The following FCRL3 variants were observed in gnomAD, a reference collection of about 807,000 sequenced individuals.
FCRL3 encodes Fc receptor like 3, also known as Fc receptor-like protein 3.
FCRL3 carries 89 observed loss-of-function variants against 75.0 expected under a neutral mutation model. The ratio of observed to expected loss-of-function variants is 1.19; its 90% CI spans 1.00 to 1.42. The LOEUF (loss-of-function observed/expected upper bound fraction) is 1.42. Ranked by LOEUF, FCRL3 falls within the 40% of genes most tolerant of loss-of-function variation. FCRL3 has a pLI of 0.00. For missense variants in FCRL3, 946 were observed against 880.0 expected (o/e 1.07, Z -0.95); for synonymous variants, 376 against 348.5 (o/e 1.08, Z -0.88).
rs1654641003 is a variant in FCRL3, at chr1:157,678,977, T to A, written c.2027-4A>T. 1 of 1,614,032 alleles carries A rather than the reference T, an allele frequency of 6.2e-7. No individual in the cohort carries two copies. Among genetic ancestry groups the A allele is most frequent in the Non-Finnish European group, 8.5e-7 (1 of 1,180,016 alleles). Reference sequence around the variant, plus strand: ...TGATGCATCATTGGACAATTAGCTGTTGGGTAGGAGTAGCAAAGAAAAGTA... The same window carrying A: ...TGATGCATCATTGGACAATTAGCTGATGGGTAGGAGTAGCAAAGAAAAGTA... On this transcript the variant is annotated splice_polypyrimidine_tract_variant and splice_region_variant and intron_variant, in intron 13 of 14. Transcript: ENST00000368184.
chr1:157,694,547 C>A (rs990530018), intron 8 of FCRL3, among the ~76,000 whole-genome samples: 1 of 152,146 alleles, frequency 6.6e-6, no homozygotes, highest in African/African-American at 2.4e-5. Flanking sequence ...ATTTTGCCAT[C>A]TTCTCCTAGG....
rs776727971 is a variant in FCRL3 at position 157,700,433 on chromosome 1, G to A, written c.31+26C>T. ...GGTCACCTTTAGGAACTGAGGCCGTGGCCCCATTATAGCCCATCTACTCAC... is the reference window on the plus strand; with the variant it reads ...GGTCACCTTTAGGAACTGAGGCCGTAGCCCCATTATAGCCCATCTACTCAC... On this transcript the variant is annotated intron_variant, in intron 2 of 14. Transcript: ENST00000368184. The A allele has an allele frequency of 2.5e-6, 4 of 1,613,846 alleles. No homozygotes were observed. The Admixed American group carries it at 5.0e-5, about 20-fold the overall frequency.
At position 157,698,641 on chromosome 1, in the gene FCRL3, A is replaced by G. The variant is rs976114424; in HGVS notation, c.53-12T>C. On this transcript the variant is annotated splice_polypyrimidine_tract_variant and intron_variant, in intron 3 of 14. Coordinates refer to ENST00000368184, the MANE Select transcript of FCRL3 (RefSeq NM_052939.4). ...TTTTGGGGCCACCCCTAAACAGGAA[A>G]TAGAAAGATGAAGGCAGGGGAAGGT... 2 of 1,613,572 alleles carry G rather than the reference A, an allele frequency of 1.2e-6. No homozygotes were observed. Among genetic ancestry groups the G allele is most frequent in the Non-Finnish European group, 1.7e-6 (2 of 1,179,544 alleles).
At chr1:157,697,462 G>A (rs1656008468) in intron 5 of FCRL3, 38 bp from the exon 6 acceptor site, 1 of 1,522,664 alleles carries the variant, frequency 6.6e-7, no homozygotes, top group Admixed American at 2.2e-5. Flanking sequence ...AGGGTGGTGA[G>A]GCTCAGAGTT....
At chr1:157,689,185 A>G (rs903841319) in intron 10 of FCRL3, among the ~76,000 whole-genome samples, 1 of 152,194 alleles carries the variant, frequency 6.6e-6, no homozygotes, top group Non-Finnish European at 1.5e-5. Context: ...ACAAGAAGTA[A>G]AAGAAATTAA....
intron 13 of FCRL3, 45 bp from the exon 14 acceptor site, chr1:157,679,018 T>C (rs1654645721): frequency 6.2e-7 from 1 of 1,606,522 alleles, no homozygotes; most frequent in South Asian, 1.1e-5. Flanking sequence ...CTGTGGGCAA[T>C]ATATTCCAAC....
intron 11 of FCRL3, 134 bp from the exon 12 acceptor site, chr1:157,681,233 C>T (rs193179603): frequency 3.7e-4 from 170 of 459,160 alleles, no homozygotes; most frequent in African/African-American, 3.2e-3. Context: ...CTGCTTGGGT[C>T]TTTTTTTTTA....
In FCRL3 at chr1:157,677,277, T is replaced by C. The variant is rs1276768192; in HGVS notation, c.*1433A>G. The C allele has an allele frequency of 2.0e-6, 2 of 991,212 alleles. No individual in the cohort carries two copies. Among genetic ancestry groups the C allele is most frequent in the Non-Finnish European group, 1.2e-6 (1 of 833,184 alleles). The allele number at this position is 991,212 out of a possible 1,614,324, so 61.4% of individuals were successfully genotyped here. A position where few individuals can be genotyped will look rare whatever the true frequency, so the allele number is the denominator to read the frequency against. ...AGGGTAGCAGAGTTTATGGTGACCC[T>C]GTAGTGTATCTCCAGAAATGGTGAT... is the stretch of plus-strand genomic sequence containing the variant. On this transcript the variant is annotated 3_prime_UTR_variant, in exon 15 of 15. Transcript: ENST00000368184.
At chr1:157,697,554 G>C in intron 5 of FCRL3, 105 bp downstream of exon 5, 1 of 1,473,400 alleles carries the variant, frequency 6.8e-7, no homozygotes, top group Non-Finnish European at 9.1e-7. Flanking sequence ...CCCTCCCATG[G>C]CTGAGCCATA....
Position 157,690,252 on chromosome 1 carries a change from C to T in FCRL3, c.1690+3G>A, listed in dbSNP as rs1655429581. 6 of 1,613,964 alleles carry T rather than the reference C, an allele frequency of 3.7e-6. No homozygotes were observed. The highest frequency in any genetic ancestry group is 5.1e-6 in the Non-Finnish European group (6 of 1,179,826). On this transcript the variant is annotated splice_donor_region_variant and intron_variant, in intron 9 of 14. Coordinates refer to ENST00000368184, the MANE Select transcript of FCRL3 (RefSeq NM_052939.4). ...ACCTCTAGCCCAGGTACTATTAACACACCTGTAACATTGAGTGTCACCACT... is the reference window on the plus strand; with the variant it reads ...ACCTCTAGCCCAGGTACTATTAACATACCTGTAACATTGAGTGTCACCACT...
chr1:157,692,840 T>A (rs115241510), intron 8 of FCRL3, among the ~76,000 whole-genome samples: 1,956 of 152,300 alleles, frequency 0.013, 38 homozygotes, highest in African/African-American at 0.045. Flanking sequence ...TGGAAAATAG[T>A]TGTTTAAAAA....
intron 8 of FCRL3, among the ~76,000 whole-genome samples, chr1:157,692,476 C>T (rs1329670518): frequency 1.3e-5 from 2 of 152,108 alleles, no homozygotes; most frequent in African/African-American, 4.8e-5. Flanking sequence ...TGGGCTCAAG[C>T]AATCCTTCCT....
chr1:157,682,107 A>G (rs1654891029), intron 11 of FCRL3, among the ~76,000 whole-genome samples: 1 of 151,736 alleles, frequency 6.6e-6, no homozygotes, highest in Admixed American at 6.6e-5. Flanking sequence ...TTTTTCTTGT[A>G]AATTTGTTTG....
chr1:157,689,120 C>T (rs1471554245), intron 10 of FCRL3, among the ~76,000 whole-genome samples: 1 of 152,142 alleles, frequency 6.6e-6, no homozygotes, highest in Non-Finnish European at 1.5e-5. Flanking sequence ...TATTTTCTCT[C>T]ACCACTTGCA....
Position 157,698,542 on chromosome 1 carries a change from A to G in FCRL3, c.140T>C (p.Ile47Thr), listed in dbSNP as rs771551828. ...GEKVALICSSISHSLAQGDTY... is the reference protein window; with the variant it reads ...GEKVALICSSTSHSLAQGDTY... ...GTCTCCCTGGGCTAGGGAATGTGAT[A>G]TGCTGCTGCATATGAGAGCCACTTT... The change falls in exon 4 of 15, where the codon ATA (isoleucine) becomes ACA (threonine). Residue 47 changes from isoleucine to threonine, a missense_variant. Transcript: ENST00000368184. 25 of 1,614,078 alleles carry G rather than the reference A, an allele frequency of 1.5e-5. No individual in the cohort carries two copies. Among genetic ancestry groups the G allele is most frequent in the Admixed American group, 5.0e-5 (3 of 60,000 alleles).
Position 157,696,033 on chromosome 1 carries a change from A to G in FCRL3, c.1132+7T>C. 6.2e-7 allele frequency: 1 copy of G among 1,603,210 alleles called. No homozygotes were observed. Among genetic ancestry groups the G allele is most frequent in the Non-Finnish European group, 8.5e-7 (1 of 1,175,042 alleles). On this transcript the variant is annotated splice_region_variant and intron_variant, in intron 7 of 14. Transcript: ENST00000368184. ...CTCGAGGCTGTGTGAAAGGAATCGG[A>G]ACTTACTTCTCACGGTGACTCGAAT...
At position 157,676,816 on chromosome 1, in the gene FCRL3, A is replaced by G; in HGVS notation, c.*1894T>C. On this transcript the variant is annotated 3_prime_UTR_variant, in exon 15 of 15. Transcript: ENST00000368184. ...TAAGAGATGACAGGTCCCTTAGAGA[A>G]AGTTCACTATAAGGCACAAAGGGGC... 6.5e-7 allele frequency: 1 copy of G among 1,548,628 alleles called. No homozygotes were observed. Among genetic ancestry groups the G allele is most frequent in the Non-Finnish European group, 8.7e-7 (1 of 1,146,096 alleles).
chr1:157,696,238 C>T lies in FCRL3; in HGVS notation c.934G>A (p.Ala312Thr), dbSNP rs568327102. Residue 312 changes from alanine (A) to threonine (T), a missense_variant, in exon 7 of 15, where the codon GCC becomes ACC. By Grantham distance (58) the Ala-to-Thr change is moderately conservative. Coordinates refer to ENST00000368184, the MANE Select transcript of FCRL3 (RefSeq NM_052939.4). The stretch of plus-strand genomic sequence containing the variant: ...AATGTGACAGTCCCTGAACCCTGGG[C>T]TACTGAGCAAATAAGGACCATATTT... Reference protein sequence around the residue: ...GENMVLICSVAQGSGTVTFSW... With the variant: ...GENMVLICSVTQGSGTVTFSW... 1 of 1,614,046 alleles carries T rather than the reference C, an allele frequency of 6.2e-7. No homozygotes were observed. The highest frequency in any genetic ancestry group is 1.3e-5 in the African/African-American group (1 of 74,982).
intron 3 of FCRL3, among the ~76,000 whole-genome samples, chr1:157,699,013 T>A (rs1409609503): frequency 1.3e-5 from 2 of 152,200 alleles, no homozygotes; most frequent in African/African-American, 4.8e-5. Flanking sequence ...TCAGAAGTAG[T>A]TTCTAGACTC....
Sources: allele counts gnomAD v4.1 joint callset (sites outside exome capture counted in the v4.1 genomes callset), GRCh38; gene constraint gnomAD v4.1.1; transcripts MANE v1.5; gene names NCBI Gene and HGNC (gene_info 2026-07-23, HGNC 2026-07-21).